SRGAP1: variants seen among roughly 807,000 people sequenced by gnomAD.
The protein encoded by SRGAP1 is SLIT-ROBO Rho GTPase activating protein 1, also known as SLIT-ROBO Rho GTPase-activating protein 1.
A neutral mutation model predicts 121.9 loss-of-function variants in SRGAP1; 43 were observed. That is an observed-to-expected ratio of 0.35 (90% CI 0.28 to 0.46). SRGAP1 has a LOEUF of 0.46. Ranked by LOEUF, SRGAP1 falls within the 20% of genes least tolerant of loss-of-function variation. The probability of loss-of-function intolerance (pLI) is 1.00; values close to 1 mark genes in which losing one functional copy is unlikely to be tolerated. For missense variants in SRGAP1, 1,102 were observed against 1,350.9 expected (o/e 0.82, Z 2.89); for synonymous variants, 447 against 485.4 (o/e 0.92, Z 1.04).
chr12:63,970,455 A>G (rs2032913121), intron 1 of SRGAP1, among the ~76,000 whole-genome samples: 1 of 152,212 alleles, frequency 6.6e-6, no homozygotes, highest in Non-Finnish European at 1.5e-5. Context: ...ATGAGATTAA[A>G]AAATGTTAAC....
At chr12:63,978,902 T>C (rs1421035963) in intron 1 of SRGAP1, among the ~76,000 whole-genome samples, 2 of 152,158 alleles carry the variant, frequency 1.3e-5, no homozygotes, top group African/African-American at 4.8e-5. Flanking sequence ...TTCTAGTGAG[T>C]GTGAAGTGGC....
chr12:63,854,159 A>C (rs955985362), intron 1 of SRGAP1, among the ~76,000 whole-genome samples: 4 of 152,162 alleles, frequency 2.6e-5, no homozygotes, highest in Non-Finnish European at 2.9e-5. Context: ...CCCCCATGGA[A>C]TGTCCCTTTC....
chr12:64,042,063 C>T (rs1180135711), intron 4 of SRGAP1, among the ~76,000 whole-genome samples: 2 of 151,422 alleles, frequency 1.3e-5, no homozygotes, highest in Admixed American at 1.3e-4. Flanking sequence ...ACTTGGCTAA[C>T]TTTTTGTATT....
In SRGAP1 at chr12:64,038,312, TACTC is replaced by T. The variant is rs59627267; in HGVS notation, c.490-4476_490-4473del. On this transcript the variant is annotated intron_variant, in intron 4 of 21. Transcript: ENST00000355086. Reference sequence around the variant, plus strand: ...TGTATACATAGATATATATAGTAAATACTCAATAAAATTTAAATTAAAAAAATAC... The same window carrying T: ...TGTATACATAGATATATATAGTAAATAATAAAATTTAAATTAAAAAAATAC... Among the ~76,000 whole-genome samples, 53 of 152,168 alleles carry T rather than the reference TACTC, an allele frequency of 3.5e-4. 1 individual carries two copies. The highest frequency in any genetic ancestry group is 3.5e-4 in the Non-Finnish European group (24 of 68,006).
chr12:63,905,050 G>C (rs1592933218), intron 1 of SRGAP1, among the ~76,000 whole-genome samples: 2 of 152,092 alleles, frequency 1.3e-5, no homozygotes, highest in East Asian at 3.8e-4. Context: ...ATCTTTCCAG[G>C]AAAATTTATG....
intron 4 of SRGAP1, among the ~76,000 whole-genome samples, chr12:64,028,776 A>G (rs768118444): frequency 3.1e-4 from 47 of 152,156 alleles, no homozygotes; most frequent in Admixed American, 2.4e-3. Flanking sequence ...TGTCCCCCCA[A>G]TCCTGTCATC....
In SRGAP1 at chr12:63,905,170, A is replaced by G. The variant is rs144401019; in HGVS notation, c.67+60287A>G. Among the ~76,000 whole-genome samples the G allele has an allele frequency of 2.8e-4, 43 of 152,330 alleles. No individual in the cohort carries two copies. The East Asian group carries it at 8.1e-3, about 29-fold the overall frequency. On this transcript the variant is annotated intron_variant, in intron 1 of 21. Coordinates refer to ENST00000355086, the MANE Select transcript of SRGAP1 (RefSeq NM_020762.4). Reference sequence around the variant, plus strand: ...GCTTTGGGCCATGGTTCTGGGTTTTATCTTAAGTGGCAATTTCAGTATCGT... The same window carrying G: ...GCTTTGGGCCATGGTTCTGGGTTTTGTCTTAAGTGGCAATTTCAGTATCGT...
rs2037008684 is a variant in SRGAP1, at chr12:64,143,922, T to A, written c.*1250T>A. On this transcript the variant is annotated 3_prime_UTR_variant, in exon 22 of 22. Coordinates refer to ENST00000355086, the MANE Select transcript of SRGAP1 (RefSeq NM_020762.4). ...GCAGGGCCATCAGCAGAACATGGCC[T>A]TGTGGTTCTCACCCAGTTGTGTACC... The A allele has an allele frequency of 6.6e-6, 1 of 152,274 alleles. No homozygotes were observed. Among genetic ancestry groups the A allele is most frequent in the Non-Finnish European group, 1.5e-5 (1 of 68,076 alleles). 9.4% of individuals were successfully genotyped at this position (152,274 alleles called of 1,614,324 possible).
In SRGAP1 at chr12:64,040,989, A is replaced by T. The variant is rs941127392; in HGVS notation, c.490-1801A>T. On this transcript the variant is annotated intron_variant, in intron 4 of 21. Transcript: ENST00000355086. ...AATAATATAGCCAAAATGTGTAATA[A>T]TTGAGGATTCATTCTGTAAATTTTA... 9.8e-5 allele frequency among the ~76,000 whole-genome samples: 15 copies of T among 152,300 alleles called. No individual in the cohort carries two copies. In the East Asian group the frequency reaches 2.9e-3, roughly 29 times the overall value.
Position 64,149,854 on chromosome 12 carries a change from T to C in SRGAP1, c.*7182T>C, listed in dbSNP as rs1047766133. ...AACTGAGGCATGGGTTGGTAATTTA[T>C]TGAAGTTTAGTAAACGAATTTGAAT... On this transcript the variant is annotated 3_prime_UTR_variant, in exon 22 of 22. Transcript: ENST00000355086. The C allele has an allele frequency of 1.5e-4, 23 of 152,224 alleles. No individual in the cohort carries two copies. The highest frequency in any genetic ancestry group is 5.5e-4 in the African/African-American group (23 of 41,458). The allele number at this position is 152,224 out of a possible 1,614,324, so 9.4% of individuals were successfully genotyped here.
intron 1 of SRGAP1, among the ~76,000 whole-genome samples, chr12:63,905,473 T>C (rs1299632443): frequency 6.6e-6 from 1 of 152,220 alleles, no homozygotes; most frequent in Non-Finnish European, 1.5e-5. Context: ...AAAAGCCAAG[T>C]GCATGTGCCA....
intron 3 of SRGAP1, among the ~76,000 whole-genome samples, chr12:64,006,808 T>G (rs190618239): frequency 2.7e-4 from 41 of 152,286 alleles, no homozygotes; most frequent in African/African-American, 8.4e-4. Flanking sequence ...TGCAGATTAA[T>G]AACGAGTTGA....
chr12:64,079,064 G>A lies in SRGAP1; in HGVS notation c.1271G>A (p.Ser424Asn). 1 of 1,614,026 alleles carries A rather than the reference G, an allele frequency of 6.2e-7. No homozygotes were observed. Among genetic ancestry groups the A allele is most frequent in the Non-Finnish European group, 8.5e-7 (1 of 1,179,982 alleles). The change falls in exon 9 of 22, where the codon AGC becomes AAC. Residue 424 changes from serine (S) to asparagine (N), a missense_variant. This residue lies in a region of SRGAP1 where 747 missense variants were observed against 929.4 expected (regional missense o/e 0.80). Coordinates refer to ENST00000355086, the MANE Select transcript of SRGAP1 (RefSeq NM_020762.4). ...TVSETYLSKP[S>N]IAKRRANQQE... is the part of the protein sequence containing the mutation. ...TCTGAAACCTACCTGAGTAAACCCAGCATCGCCAAGAGAAGAGCCAACCAG... is the reference window on the plus strand; with the variant it reads ...TCTGAAACCTACCTGAGTAAACCCAACATCGCCAAGAGAAGAGCCAACCAG...
intron 4 of SRGAP1, among the ~76,000 whole-genome samples, chr12:64,035,590 A>G (rs2034887596): frequency 6.6e-6 from 1 of 152,150 alleles, no homozygotes; most frequent in African/African-American, 2.4e-5. Flanking sequence ...AAAAGGCGCT[A>G]ATTATAAGAG....
intron 3 of SRGAP1, among the ~76,000 whole-genome samples, chr12:63,994,273 A>T (rs981524259): frequency 2.0e-5 from 3 of 152,306 alleles, no homozygotes; most frequent in South Asian, 4.1e-4. Flanking sequence ...GTAATGTGAG[A>T]TTATACCAAA....
At chr12:63,950,446 C>T (rs981407305) in intron 1 of SRGAP1, among the ~76,000 whole-genome samples, 5 of 152,206 alleles carry the variant, frequency 3.3e-5, no homozygotes, top group Non-Finnish European at 4.4e-5. Flanking sequence ...TGTAACTCAA[C>T]TGTTTCTTTT....
At chr12:64,044,484 A>T (rs911995306) in intron 6 of SRGAP1, among the ~76,000 whole-genome samples, 1 of 152,062 alleles carries the variant, frequency 6.6e-6, no homozygotes, top group Non-Finnish European at 1.5e-5. Flanking sequence ...TTTATTATAG[A>T]ATATTTTATG....
At chr12:63,884,329 T>G (rs1407931758) in intron 1 of SRGAP1, among the ~76,000 whole-genome samples, 36 of 152,142 alleles carry the variant, frequency 2.4e-4, no homozygotes, top group Non-Finnish European at 4.4e-5. Context: ...GACGTCTACA[T>G]GTCATAGTGG....
chr12:64,053,060 A>G (rs2035268526), intron 6 of SRGAP1, among the ~76,000 whole-genome samples: 1 of 152,220 alleles, frequency 6.6e-6, no homozygotes, highest in Non-Finnish European at 1.5e-5. Flanking sequence ...AATATTGTAC[A>G]GTCTGTTCTT....
Sources: gnomAD v4.1 joint callset for allele counts (sites outside exome capture counted in the v4.1 genomes callset) on GRCh38, gnomAD v4.1.1 for gene constraint, gnomAD v4.1.1 regional missense constraint, MANE v1.5 for transcripts, NCBI Gene and HGNC (gene_info 2026-07-23, HGNC 2026-07-21) for gene names.